Variants in NPFFR2 observed in about 807,000 individuals in gnomAD.
NPFFR2 encodes G-protein coupled receptor 74.
A neutral mutation model predicts 13.1 loss-of-function variants in NPFFR2; 15 were observed. That is an observed-to-expected ratio of 1.15 (90% CI 0.77 to 1.76). NPFFR2 has a LOEUF of 1.76. Among genes scored for constraint, NPFFR2 ranks in the 40% most tolerant of loss-of-function variants. The pLI is 0.00. For missense variants in NPFFR2, 572 were observed against 503.5 expected (o/e 1.14, Z -1.30); for synonymous variants, 190 against 175.7 (o/e 1.08, Z -0.65).
rs185483688 is a variant in NPFFR2 at position 72,091,547 on chromosome 4, C to A, written c.-7-37038C>A. On this transcript the variant is annotated intron_variant, in intron 1 of 3. Transcript: ENST00000308744. Reference sequence around the variant, plus strand: ...AGTCTGTTCAGTGTTTCTACTTCTTCTGGTTTAATCTAGGAGGGTTGTACA... The same window carrying A: ...AGTCTGTTCAGTGTTTCTACTTCTTATGGTTTAATCTAGGAGGGTTGTACA... Among the ~76,000 whole-genome samples the A allele has an allele frequency of 4.2e-3, 635 of 152,214 alleles. 3 individuals carry two copies. Among genetic ancestry groups the A allele is most frequent in the Non-Finnish European group, 6.4e-3 (433 of 67,974 alleles).
chr4:72,067,160 C>T (rs776866290), intron 1 of NPFFR2, among the ~76,000 whole-genome samples: 1 of 152,186 alleles, frequency 6.6e-6, no homozygotes, highest in African/African-American at 2.4e-5. Context: ...GAATTAGCAT[C>T]GTGTGGATGG....
chr4:72,099,504 T>A (rs969136663), intron 1 of NPFFR2, among the ~76,000 whole-genome samples: 5 of 152,082 alleles, frequency 3.3e-5, no homozygotes, highest in Non-Finnish European at 7.4e-5. Flanking sequence ...CAGGGAGGCC[T>A]TGGGGAGTTT....
intron 1 of NPFFR2, among the ~76,000 whole-genome samples, chr4:72,037,817 G>A (rs1719083256): frequency 6.6e-6 from 1 of 152,140 alleles, no homozygotes. Flanking sequence ...ACTACATTAA[G>A]TAATTTCTGT....
chr4:72,053,083 G>A lies in NPFFR2; in HGVS notation c.-8+20883G>A, dbSNP rs148226515. Reference sequence around the variant, plus strand: ...CCAAGCTGTAGCTCGACCACCTTGGGCACATGTTCTCAAGACTTCCTGGGG... The same window carrying A: ...CCAAGCTGTAGCTCGACCACCTTGGACACATGTTCTCAAGACTTCCTGGGG... On this transcript the variant is annotated intron_variant, in intron 1 of 3. Transcript: ENST00000308744. 1.2e-3 allele frequency among the ~76,000 whole-genome samples: 180 copies of A among 151,848 alleles called. 1 individual carries two copies. The Middle Eastern group carries it at 0.02, about 17-fold the overall frequency.
intron 1 of NPFFR2, among the ~76,000 whole-genome samples, chr4:72,083,690 G>A (rs1000155823): frequency 2.0e-5 from 3 of 152,054 alleles, no homozygotes; most frequent in Non-Finnish European, 1.5e-5. Context: ...CATAGGTGAT[G>A]TTTTCTGATT....
At chr4:72,057,162 A>G (rs1458041728) in intron 1 of NPFFR2, among the ~76,000 whole-genome samples, 1 of 144,462 alleles carries the variant, frequency 6.9e-6, no homozygotes, top group African/African-American at 2.6e-5. Flanking sequence ...AAGAAATAAT[A>G]GAATTTAAAA....
chr4:72,100,889 C>A lies in NPFFR2; in HGVS notation c.-7-27696C>A, dbSNP rs80137880. The stretch of plus-strand genomic sequence containing the variant: ...AAGAAAAGGATGATTTATTGTATGG[C>A]TGTTATCTTTTTAAATCATCTTGGT... On this transcript the variant is annotated intron_variant, in intron 1 of 3. Coordinates refer to ENST00000308744, the MANE Select transcript of NPFFR2 (RefSeq NM_004885.3). 1.6e-3 allele frequency among the ~76,000 whole-genome samples: 241 copies of A among 151,970 alleles called. 11 individuals are homozygous for A. In the East Asian group the frequency reaches 0.042, roughly 27 times the overall value.
chr4:72,138,465 A>G lies in NPFFR2; in HGVS notation c.428+326A>G, dbSNP rs1453915276. On this transcript the variant is annotated intron_variant, in intron 3 of 3. Coordinates refer to ENST00000308744, the MANE Select transcript of NPFFR2 (RefSeq NM_004885.3). Reference sequence around the variant, plus strand: ...TGTGATGTTCCCTGCCGTGTGTCCAAGTGTTCTCATTGTTCTATTCCCACC... The same window carrying G: ...TGTGATGTTCCCTGCCGTGTGTCCAGGTGTTCTCATTGTTCTATTCCCACC... 2.7e-5 allele frequency among the ~76,000 whole-genome samples: 4 copies of G among 147,486 alleles called. No homozygotes were observed. In the South Asian group the frequency reaches 8.8e-4, roughly 32 times the overall value.
intron 1 of NPFFR2, among the ~76,000 whole-genome samples, chr4:72,040,932 A>G (rs545195551): frequency 2.3e-4 from 35 of 149,490 alleles, no homozygotes; most frequent in African/African-American, 8.0e-4. Flanking sequence ...TGTAAAATAT[A>G]TATATATATA....
chr4:72,033,022 T>C (rs1172503703), intron 1 of NPFFR2, among the ~76,000 whole-genome samples: 1 of 152,222 alleles, frequency 6.6e-6, no homozygotes, highest in African/African-American at 2.4e-5. Context: ...AATCCAAATA[T>C]TCAAAGTTGT....
intron 1 of NPFFR2, among the ~76,000 whole-genome samples, chr4:72,071,340 T>C (rs1039073860): frequency 6.6e-6 from 1 of 152,142 alleles, no homozygotes; most frequent in Non-Finnish European, 1.5e-5. Flanking sequence ...TTTGACACTT[T>C]ATTGATTTTT....
At chr4:72,125,030 A>G (rs1200951813) in intron 1 of NPFFR2, among the ~76,000 whole-genome samples, 2 of 152,068 alleles carry the variant, frequency 1.3e-5, no homozygotes, top group African/African-American at 4.8e-5. Flanking sequence ...CCATCTATCC[A>G]TCTGACAAAG....
rs1466817170 is a variant in NPFFR2 at position 72,072,455 on chromosome 4, G to GA, written c.-8+40255_-8+40256insA. ...GAATAGTCACTAGAGGGATTCAAGA[G>GA]CAAATTTGATCAAGCAGAAAAATCA... On this transcript the variant is annotated intron_variant, in intron 1 of 3. Transcript: ENST00000308744. Among the ~76,000 whole-genome samples, 476 of 152,176 alleles carry GA rather than the reference G, an allele frequency of 3.1e-3. 4 individuals carry two copies. The highest frequency in any genetic ancestry group is 0.011 in the African/African-American group (439 of 41,550).
At chr4:72,121,349 T>A (rs1414300309) in intron 1 of NPFFR2, among the ~76,000 whole-genome samples, 1 of 152,082 alleles carries the variant, frequency 6.6e-6, no homozygotes, top group Non-Finnish European at 1.5e-5. Flanking sequence ...CCAGGAGAAC[T>A]TCCCCAACCT....
chr4:72,107,917 T>C (rs553256068), intron 1 of NPFFR2, among the ~76,000 whole-genome samples: 1 of 152,080 alleles, frequency 6.6e-6, no homozygotes, highest in Non-Finnish European at 1.5e-5. Flanking sequence ...ATGCATATTG[T>C]ATTTTATATA....
At chr4:72,058,448 G>T (rs1318389526) in intron 1 of NPFFR2, among the ~76,000 whole-genome samples, 5 of 151,724 alleles carry the variant, frequency 3.3e-5, no homozygotes, top group Non-Finnish European at 5.9e-5. Context: ...AGAGGAGTCT[G>T]GTTCCCAAAA....
In NPFFR2 at chr4:72,038,900, C is replaced by CCTAT. The variant is rs1255910243; in HGVS notation, c.-8+6702_-8+6703insATCT. Among the ~76,000 whole-genome samples the CCTAT allele has an allele frequency of 2.5e-4, 18 of 72,950 alleles. No individual in the cohort carries two copies. The East Asian group carries it at 8.2e-3, about 33-fold the overall frequency. The allele number at this position is 72,950 out of a possible 152,430, so 47.9% of individuals were successfully genotyped here. On this transcript the variant is annotated intron_variant, in intron 1 of 3. Transcript: ENST00000308744. The stretch of plus-strand genomic sequence containing the variant: ...TTTTTAATTCTTGATTTTTAAATTT[C>CCTAT]CTTTCTTTTTTTTTTTTTTTTTTTT...
At chr4:72,043,910 T>C (rs1321963972) in intron 1 of NPFFR2, among the ~76,000 whole-genome samples, 4 of 152,102 alleles carry the variant, frequency 2.6e-5, no homozygotes, top group African/African-American at 9.7e-5. Flanking sequence ...AATGACATGG[T>C]TTGGCTGTGT....
chr4:72,048,180 A>T (rs62321511), intron 1 of NPFFR2, among the ~76,000 whole-genome samples: 38,824 of 151,972 alleles, frequency 0.26, 6,224 homozygotes, highest in Admixed American at 0.34. Flanking sequence ...TGGCAGCAAG[A>T]TTCAATGGGG....
Sources: gnomAD v4.1 joint callset for allele counts (sites outside exome capture counted in the v4.1 genomes callset) on GRCh38, gnomAD v4.1.1 for gene constraint, MANE v1.5 for transcripts, NCBI Gene and HGNC (gene_info 2026-07-23, HGNC 2026-07-21) for gene names.